The following NSMCE2 variants were observed in gnomAD, a reference collection of about 807,000 sequenced individuals.
NSMCE2 encodes NSE2 SUMO ligase component of SMC5/6 complex, also known as E3 SUMO-protein ligase NSE2.
Under a neutral mutation model 23.8 loss-of-function variants are expected in NSMCE2, and 24 were observed. The observed-to-expected ratio is 1.01, with a 90% CI of 0.73 to 1.42. The LOEUF is 1.42. Ranked by LOEUF, NSMCE2 falls within the 40% of genes most tolerant of loss-of-function variation. NSMCE2 has a pLI of 0.00. For synonymous variants in NSMCE2, 92 were observed against 94.1 expected (o/e 0.98, Z 0.13); for missense variants, 284 against 296.5 (o/e 0.96, Z 0.31).
chr8:125,264,282 T>G (rs1220292920), intron 5 of NSMCE2, among the ~76,000 whole-genome samples: 1 of 152,256 alleles, frequency 6.6e-6, no homozygotes, highest in Non-Finnish European at 1.5e-5. Flanking sequence ...TTCATTCATA[T>G]TCCTTTAAAA....
At chr8:125,284,240 T>TA (rs756287808) in intron 5 of NSMCE2, among the ~76,000 whole-genome samples, 12 of 150,908 alleles carry the variant, frequency 8.0e-5, no homozygotes, top group Non-Finnish European at 1.5e-4. Flanking sequence ...GCCACTTTGT[T>TA]AAAAAAAATA....
chr8:125,302,168 GC>G (rs1828591423), intron 5 of NSMCE2, among the ~76,000 whole-genome samples: 1 of 151,960 alleles, frequency 6.6e-6, no homozygotes, highest in Non-Finnish European at 1.5e-5. Context: ...TGTTGGCCAG[GC>G]TGGTCTTGAA....
At chr8:125,289,878 G>A (rs529195553) in intron 5 of NSMCE2, among the ~76,000 whole-genome samples, 27 of 152,228 alleles carry the variant, frequency 1.8e-4, no homozygotes, top group African/African-American at 6.5e-4. Context: ...TATTATCAAA[G>A]CCTTTTTGTT....
rs114326621 is a variant in NSMCE2, at chr8:125,243,517, T to A, written c.418+61261T>A. 4.1e-3 allele frequency among the ~76,000 whole-genome samples: 630 copies of A among 152,126 alleles called. 8 individuals carry two copies. Among genetic ancestry groups the A allele is most frequent in the African/African-American group, 0.013 (556 of 41,506 alleles). ...ATAATTTTTTAAAAAAAAAAACCTC[T>A]AAATTTCTAATGTGTATTGTCATTG... On this transcript the variant is annotated intron_variant, in intron 5 of 7. Coordinates refer to ENST00000287437, the MANE Select transcript of NSMCE2 (RefSeq NM_173685.4).
At chr8:125,200,931 C>G (rs1465450000) in intron 5 of NSMCE2, among the ~76,000 whole-genome samples, 5 of 152,174 alleles carry the variant, frequency 3.3e-5, no homozygotes, top group Non-Finnish European at 7.3e-5. Context: ...TCTTCAATCA[C>G]TGATATCATT....
intron 5 of NSMCE2, among the ~76,000 whole-genome samples, chr8:125,339,523 A>G (rs1209167966): frequency 1.2e-4 from 18 of 152,134 alleles, no homozygotes; most frequent in Admixed American, 1.2e-3. Flanking sequence ...GGAAAATATT[A>G]AGTAACATTA....
intron 5 of NSMCE2, among the ~76,000 whole-genome samples, chr8:125,228,873 G>A (rs1392138772): frequency 1.3e-5 from 2 of 152,132 alleles, no homozygotes; most frequent in Admixed American, 6.5e-5. Flanking sequence ...ACTCACAGAC[G>A]GAAGTAGAAA....
intron 3 of NSMCE2, among the ~76,000 whole-genome samples, chr8:125,150,425 T>TC: frequency 7.3e-6 from 1 of 136,338 alleles, no homozygotes; most frequent in Non-Finnish European, 1.5e-5. Context: ...TTTCTTTCTT[T>TC]CTTTTTTTTT....
chr8:125,342,508 G>A (rs1830287148), intron 5 of NSMCE2, among the ~76,000 whole-genome samples: 1 of 152,078 alleles, frequency 6.6e-6, no homozygotes, highest in African/African-American at 2.4e-5. Flanking sequence ...AGGAGGGGGT[G>A]GGTGAGAGGA....
intron 5 of NSMCE2, among the ~76,000 whole-genome samples, chr8:125,250,765 C>A (rs976433873): frequency 6.6e-6 from 1 of 152,182 alleles, no homozygotes; most frequent in Admixed American, 6.6e-5. Flanking sequence ...ATCCTCCAAC[C>A]TCAGCCTCCC....
chr8:125,135,833 G>T (rs537748041), intron 3 of NSMCE2, among the ~76,000 whole-genome samples: 2 of 152,170 alleles, frequency 1.3e-5, no homozygotes, highest in Non-Finnish European at 2.9e-5. Context: ...CTTGAAATAA[G>T]CTAGTGTTAG....
intron 5 of NSMCE2, among the ~76,000 whole-genome samples, chr8:125,326,797 AAC>A (rs1356869302): frequency 6.6e-6 from 1 of 150,938 alleles, no homozygotes; most frequent in East Asian, 1.9e-4. Flanking sequence ...CTCTACTAAA[AAC>A]ACAAAAATTA....
intron 5 of NSMCE2, among the ~76,000 whole-genome samples, chr8:125,351,573 G>A (rs1263264754): frequency 6.6e-6 from 1 of 152,144 alleles, no homozygotes; most frequent in African/African-American, 2.4e-5. Flanking sequence ...TATGTATATA[G>A]AAAATAATAT....
chr8:125,298,033 G>T lies in NSMCE2; in HGVS notation c.419-59186G>T, dbSNP rs539846966. Among the ~76,000 whole-genome samples the T allele has an allele frequency of 3.3e-5, 5 of 152,286 alleles. No homozygotes were observed. The East Asian group carries it at 9.7e-4, about 29-fold the overall frequency. ...CCCAGCACATTGGGAGGCTTAGGCA[G>T]GTGGACCACCTGAGATCAGAAGTTC... On this transcript the variant is annotated intron_variant, in intron 5 of 7. Transcript: ENST00000287437.
chr8:125,302,635 A>G (rs374613919), intron 5 of NSMCE2, among the ~76,000 whole-genome samples: 1 of 152,232 alleles, frequency 6.6e-6, no homozygotes, highest in African/African-American at 2.4e-5. Flanking sequence ...TTAATCAGAT[A>G]GAACAAGAAG....
At chr8:125,333,837 A>G (rs1022093874) in intron 5 of NSMCE2, among the ~76,000 whole-genome samples, 2 of 152,120 alleles carry the variant, frequency 1.3e-5, no homozygotes, top group African/African-American at 4.8e-5. Context: ...GATACCACCA[A>G]GTTTGGAACC....
chr8:125,268,240 GAA>G (rs376800710), intron 5 of NSMCE2, among the ~76,000 whole-genome samples: 25 of 142,508 alleles, frequency 1.8e-4, no homozygotes, highest in Non-Finnish European at 3.1e-4. Context: ...TCTCAAGGAA[GAA>G]AAAAAAAAAG....
chr8:125,178,322 A>G (rs1331185109), intron 4 of NSMCE2, among the ~76,000 whole-genome samples: 1 of 152,132 alleles, frequency 6.6e-6, no homozygotes, highest in South Asian at 2.1e-4. Flanking sequence ...CACAGAGAGC[A>G]CTCACTGAAT....
intron 5 of NSMCE2, among the ~76,000 whole-genome samples, chr8:125,196,689 T>A (rs576245426): frequency 6.6e-6 from 1 of 152,360 alleles, no homozygotes; most frequent in Non-Finnish European, 1.5e-5. Flanking sequence ...TACGGTAGCA[T>A]GATTTATAAT....
Sources: allele counts gnomAD v4.1 joint callset (sites outside exome capture counted in the v4.1 genomes callset), GRCh38; gene constraint gnomAD v4.1.1; transcripts MANE v1.5; gene names NCBI Gene and HGNC (gene_info 2026-07-23, HGNC 2026-07-21).